The following ECE1 variants were observed in gnomAD, a reference collection of about 807,000 sequenced individuals.
ECE1 encodes endothelin-converting enzyme 1.
In ECE1, 35 loss-of-function variants were observed where a neutral mutation model predicts 98.6. The observed-to-expected ratio is 0.35, with a 90% confidence interval of 0.27 to 0.47. ECE1 has a LOEUF of 0.47. ECE1 is among the 20% of genes least tolerant of loss of function. The pLI, the probability that ECE1 is intolerant of heterozygous loss-of-function variation, is 1.00. For synonymous variants in ECE1, 394 were observed against 407.1 expected (o/e 0.97, Z 0.39); for missense variants, 814 against 1,025.3 (o/e 0.79, Z 2.81).
chr1:21,235,955 T>A lies in ECE1; in HGVS notation c.1489-28A>T, dbSNP rs201958563. ...GGACAGGACAGACAGAGGAAGTGAG[T>A]GCCCGGCAACATCGACCAGGCCAGC... On this transcript the variant is annotated intron_variant, in intron 12 of 18. Transcript: ENST00000374893. This position sits in a 1 kb window ranked among gnomAD's most constrained non-coding sequence, Gnocchi z 4.2. 1.8e-5 allele frequency: 29 copies of A among 1,609,256 alleles called. No individual in the cohort carries two copies. The highest frequency in any genetic ancestry group is 3.3e-4 in the Middle Eastern group (2 of 6,052).
chr1:21,337,867 G>A (rs1639332537), intron 1 of ECE1, among the ~76,000 whole-genome samples: 1 of 152,198 alleles, frequency 6.6e-6, no homozygotes, highest in Non-Finnish European at 1.5e-5. Flanking sequence ...CACTCCTGCT[G>A]CACGGGCAGA....
At chr1:21,244,514 C>T (rs2098200644) in intron 10 of ECE1, among the ~76,000 whole-genome samples, 2 of 152,074 alleles carry the variant, frequency 1.3e-5, no homozygotes, top group Admixed American at 6.5e-5. Flanking sequence ...GTCCCTGAAG[C>T]CTTTGGAAGA....
At chr1:21,279,077 C>G in intron 3 of ECE1, 114 bp downstream of exon 3, 1 of 1,583,666 alleles carries the variant, frequency 6.3e-7, no homozygotes, top group Non-Finnish European at 8.6e-7. Context: ...GCCTGGCTCC[C>G]TCCTTAGCCT....
intron 9 of ECE1, among the ~76,000 whole-genome samples, chr1:21,245,813 C>T (rs1237508823): frequency 6.6e-6 from 1 of 152,028 alleles, no homozygotes; most frequent in Non-Finnish European, 1.5e-5. Flanking sequence ...GGATACAGGT[C>T]AAGGGAAAAG....
At chr1:21,295,352 C>A (rs548471190), upstream of ECE1, among the ~76,000 whole-genome samples, 35 of 152,266 alleles carry the variant, frequency 2.3e-4, no homozygotes, top group African/African-American at 6.7e-4. Context: ...CTCAAAAAAA[C>A]AAAAACAAAA....
At chr1:21,231,769 C>T (rs1180140355) in intron 14 of ECE1, among the ~76,000 whole-genome samples, 2 of 152,172 alleles carry the variant, frequency 1.3e-5, no homozygotes, top group East Asian at 1.9e-4. Context: ...CATGCTACCA[C>T]GTCCAGCTAA....
Position 21,238,386 on chromosome 1 carries a change from T to C in ECE1, c.1279-142A>G, listed in dbSNP as rs2098191127. On this transcript the variant is annotated intron_variant, in intron 10 of 18. Transcript: ENST00000374893. Reference sequence around the variant, plus strand: ...GCTTTCCGACCCAGTAAAGTTATTTTAGTCACCGGACCAAGAGGCCACTGA... The same window carrying C: ...GCTTTCCGACCCAGTAAAGTTATTTCAGTCACCGGACCAAGAGGCCACTGA... 8.3e-6 allele frequency: 6 copies of C among 723,218 alleles called. No homozygotes were observed. The Admixed American group carries it at 1.0e-4, about 12-fold the overall frequency. The allele number at this position is 723,218 out of a possible 1,614,324, so 44.8% of individuals were successfully genotyped here.
chr1:21,288,907 C>T (rs1157817796), intron 2 of ECE1, among the ~76,000 whole-genome samples: 1 of 152,116 alleles, frequency 6.6e-6, no homozygotes, highest in African/African-American at 2.4e-5. Flanking sequence ...CAGGGGTGTT[C>T]CTGAAGGTTA....
chr1:21,279,330 C>T lies in ECE1; in HGVS notation c.141G>A (p.Val47=), dbSNP rs774249306. The part of the protein sequence containing the change: ...EGDAYPNGLQ[V]NFHSPRSGQR... ...GGCCACTCCGGGGGCTGTGGAAGTT[C>T]ACCTGCAGGGAAGGAGGCAGGAGGG... The change falls in exon 3 of 19, where the codon GTG becomes GTA. Residue 47 remains valine, a splice_region_variant and synonymous_variant. Coordinates refer to ENST00000374893, the MANE Select transcript of ECE1 (RefSeq NM_001397.3). 1.9e-6 allele frequency: 3 copies of T among 1,614,182 alleles called. No homozygotes were observed. In the South Asian group the frequency reaches 3.3e-5, roughly 18 times the overall value.
In ECE1 at chr1:21,258,830, A is replaced by G; in HGVS notation, c.625T>C (p.Trp209Arg). Residue 209 changes from tryptophan (W) to arginine (R), a missense_variant, in exon 6 of 19, where the codon TGG becomes CGG. Trp to Arg is a moderately radical substitution (Grantham distance 101). Coordinates refer to ENST00000374893, the MANE Select transcript of ECE1 (RefSeq NM_001397.3). This position sits in a 1 kb window ranked among gnomAD's most constrained non-coding sequence, Gnocchi z 4.2. Reference sequence around the variant, plus strand: ...TTGGCCCAGGGACCTGTGATGTTCCAGCCCCCGAGCTGTGGGGAGGGAGAG... The same window carrying G: ...TTGGCCCAGGGACCTGTGATGTTCCGGCCCCCGAGCTGTGGGGAGGGAGAG... ...LMELIERLGG[W>R]NITGPWAKDN... 1 of 1,614,144 alleles carries G rather than the reference A, an allele frequency of 6.2e-7. No individual in the cohort carries two copies.
At chr1:21,255,487 ATCTGC>A (rs2098218721) in intron 8 of ECE1, among the ~76,000 whole-genome samples, 3 of 152,212 alleles carry the variant, frequency 2.0e-5, no homozygotes, top group Admixed American at 1.3e-4. Flanking sequence ...CAGTGAGCCC[ATCTGC>A]GGCTGGCTCC....
intron 1 of ECE1, among the ~76,000 whole-genome samples, chr1:21,320,193 C>T (rs953591809): frequency 1.3e-5 from 2 of 152,206 alleles, no homozygotes; most frequent in African/African-American, 4.8e-5. Context: ...TTGCTGCGTC[C>T]AGCTGATACC....
chr1:21,333,227 G>C (rs911674184), intron 1 of ECE1, among the ~76,000 whole-genome samples: 1 of 152,034 alleles, frequency 6.6e-6, no homozygotes, highest in Non-Finnish European at 1.5e-5. Context: ...GCAGAAGGTG[G>C]GGGGAGCTGC....
chr1:21,255,639 G>A (rs1022847217), intron 8 of ECE1, among the ~76,000 whole-genome samples: 2 of 152,192 alleles, frequency 1.3e-5, no homozygotes, highest in East Asian at 3.9e-4. Flanking sequence ...CTGGAAAGGC[G>A]CTGTCAATGT....
At chr1:21,268,545 C>T (rs2098236734) in intron 4 of ECE1, among the ~76,000 whole-genome samples, 1 of 152,262 alleles carries the variant, frequency 6.6e-6, no homozygotes, top group Admixed American at 6.5e-5. Context: ...AAATGCATGG[C>T]TTGCCCAAGG....
Position 21,236,792 on chromosome 1 carries a change from G to A in ECE1, c.1442C>T (p.Thr481Ile). The stretch of plus-strand genomic sequence containing the variant: ...GGTTTCCTCATCCATCCACTTCAGG[G>A]TGCTCAGGCTTTCCTCAAATGCCTT... ...IKKAFEESLS[T>I]LKWMDEETRK... The change falls in exon 12 of 19, where the codon ACC becomes ATC. Residue 481 changes from threonine (T) to isoleucine (I), a missense_variant. This residue lies in a region of ECE1 where 452 missense variants were observed against 567.3 expected (regional missense o/e 0.80). Transcript: ENST00000374893. 1 of 1,613,826 alleles carries A rather than the reference G, an allele frequency of 6.2e-7. No homozygotes were observed. The highest frequency in any genetic ancestry group is 1.1e-5 in the South Asian group (1 of 91,062).
intron 1 of ECE1, among the ~76,000 whole-genome samples, chr1:21,334,038 C>G (rs1451572537): frequency 1.3e-5 from 2 of 152,224 alleles, no homozygotes; most frequent in African/African-American, 4.8e-5. Context: ...CCAAAGGTCA[C>G]CCAGCTGGGA....
In ECE1 at chr1:21,258,674, C is replaced by A. The variant is rs1197088022; in HGVS notation, c.762+19G>T. On this transcript the variant is annotated intron_variant, in intron 6 of 18. Coordinates refer to ENST00000374893, the MANE Select transcript of ECE1 (RefSeq NM_001397.3). This position sits in a 1 kb window ranked among gnomAD's most constrained non-coding sequence, Gnocchi z 4.2. ...GTCGTGCCCGCCCCCTCGACCGCTG[C>A]AGGTTCAAGCTAGCTCACCTGGATC... 6.2e-7 allele frequency: 1 copy of A among 1,613,302 alleles called. No individual in the cohort carries two copies. The highest frequency in any genetic ancestry group is 1.1e-5 in the South Asian group (1 of 91,078).
At chr1:21,255,367 C>T (rs183179477) in intron 8 of ECE1, among the ~76,000 whole-genome samples, 138 of 152,320 alleles carry the variant, frequency 9.1e-4, no homozygotes, top group African/African-American at 3.2e-3. Context: ...TCTGGACCCT[C>T]AAGAACCAAG....
Sources: gnomAD v4.1 joint callset for allele counts (sites outside exome capture counted in the v4.1 genomes callset) on GRCh38, gnomAD v4.1.1 for gene constraint, gnomAD v4.1.1 regional missense constraint, Gnocchi (gnomAD v3.1) non-coding constraint, MANE v1.5 for transcripts, NCBI Gene and HGNC (gene_info 2026-07-23, HGNC 2026-07-21) for gene names.